Variants in DNM3 observed in about 807,000 individuals in gnomAD.
The protein encoded by DNM3 is dynamin 3.
DNM3 carries 47 observed loss-of-function variants against 101.6 expected under a neutral mutation model. That is an observed-to-expected ratio of 0.46 (90% confidence interval 0.37 to 0.59). The LOEUF is 0.59. Ranked by LOEUF, DNM3 falls within the 20% of genes least tolerant of loss-of-function variation. The pLI is 0.00. For synonymous variants in DNM3, 385 were observed against 387.9 expected, an observed-to-expected ratio of 0.99 and a Z score of 0.09; for missense variants, 849 against 1,085.7, an observed-to-expected ratio of 0.78 and a Z score of 3.06.
intron 14 of DNM3, among the ~76,000 whole-genome samples, chr1:172,244,412 C>G (rs1369332407): frequency 6.6e-6 from 1 of 151,996 alleles, no homozygotes; most frequent in Non-Finnish European, 1.5e-5. Context: ...TCAGAGTGAA[C>G]AGGCAACCTA....
At chr1:172,303,374 G>A (rs2064573916) in intron 15 of DNM3, among the ~76,000 whole-genome samples, 1 of 152,156 alleles carries the variant, frequency 6.6e-6, no homozygotes, top group East Asian at 1.9e-4. Context: ...AAGAAATATA[G>A]GACTGTGTGA....
rs962905686 is a variant in DNM3, at chr1:172,409,948, A to AT, written c.*2114dup. ...CAAACCATGTCAAAAAAAATTGGAGATTTTTTTCCAATTTTCCTTCCACTG... is the reference window on the plus strand; with the variant it reads ...CAAACCATGTCAAAAAAAATTGGAGATTTTTTTTCCAATTTTCCTTCCACTG... On this transcript the variant is annotated 3_prime_UTR_variant, in exon 21 of 21. Coordinates refer to ENST00000627582, the MANE Select transcript of DNM3 (RefSeq NM_015569.5). The AT allele has an allele frequency of 5.0e-5, 49 of 985,560 alleles. No individual in the cohort carries two copies. In the African/African-American group the frequency reaches 7.7e-4, roughly 15 times the overall value. 61.1% of individuals were successfully genotyped at this position (985,560 alleles called of 1,614,324 possible).
At chr1:172,237,838 C>G (rs536624268) in intron 14 of DNM3, among the ~76,000 whole-genome samples, 1 of 152,172 alleles carries the variant, frequency 6.6e-6, no homozygotes. Context: ...AGATTATATT[C>G]TTTTAGGAAA....
intron 14 of DNM3, among the ~76,000 whole-genome samples, chr1:172,205,496 T>G (rs889312935): frequency 2.6e-5 from 4 of 152,160 alleles, no homozygotes; most frequent in Non-Finnish European, 4.4e-5. Context: ...TTAAGAAACA[T>G]GTATTAATAT....
intron 13 of DNM3, among the ~76,000 whole-genome samples, chr1:172,111,423 C>A (rs1027659095): frequency 6.6e-6 from 1 of 152,178 alleles, no homozygotes; most frequent in Non-Finnish European, 1.5e-5. Flanking sequence ...TAATATCAGC[C>A]CTTCACTGAT....
chr1:171,918,506 G>T (rs556259988), intron 1 of DNM3, among the ~76,000 whole-genome samples: 1 of 152,284 alleles, frequency 6.6e-6, no homozygotes, highest in Admixed American at 6.5e-5. Context: ...TTCAGATTAG[G>T]TGCTCATTCT....
At chr1:172,379,349 C>T (rs1340056876) in intron 18 of DNM3, among the ~76,000 whole-genome samples, 167 bp downstream of exon 18, 1 of 151,968 alleles carries the variant, frequency 6.6e-6, no homozygotes, top group African/African-American at 2.4e-5. Context: ...TGAAAGAGAA[C>T]TTAGGGAAGA....
At position 172,418,151 on chromosome 1, in the gene DNM3, A is replaced by G. The variant is rs1219005431; in HGVS notation, c.2541-130A>G. 7 of 658,456 alleles carry G rather than the reference A, an allele frequency of 1.1e-5. No individual in the cohort carries two copies. The East Asian group carries it at 2.7e-4, about 25-fold the overall frequency. The allele number at this position is 658,456 out of a possible 1,614,324, so 40.8% of individuals were successfully genotyped here. Reference sequence around the variant, plus strand: ...CTGCATGTTTTTGTGTGTGATTTGAATTTGACTTTTGTGAGCTATTTTTGC... The same window carrying G: ...CTGCATGTTTTTGTGTGTGATTTGAGTTTGACTTTTGTGAGCTATTTTTGC... On this transcript the variant is annotated intron_variant, in intron 20 of 20. Coordinates refer to the DNM3 transcript ENST00000485254.
chr1:171,921,482 T>C (rs1019901939), intron 1 of DNM3, among the ~76,000 whole-genome samples: 5 of 152,228 alleles, frequency 3.3e-5, no homozygotes, highest in African/African-American at 1.2e-4. Context: ...GGCAAACTTT[T>C]ATCAGTTTCA....
chr1:172,115,586 C>G (rs1439106141), intron 13 of DNM3, among the ~76,000 whole-genome samples: 1 of 152,200 alleles, frequency 6.6e-6, no homozygotes, highest in Non-Finnish European at 1.5e-5. Flanking sequence ...GGCTCCTCCC[C>G]CTCTCGCTCA....
intron 14 of DNM3, chr1:172,131,783 GT>G: frequency 2.5e-6 from 1 of 392,978 alleles, no homozygotes; most frequent in Non-Finnish European, 5.0e-6. Flanking sequence ...TCAGATCATT[GT>G]TTATACAAAT....
At chr1:172,277,418 A>G (rs1018176493) in intron 15 of DNM3, among the ~76,000 whole-genome samples, 2 of 152,070 alleles carry the variant, frequency 1.3e-5, no homozygotes, top group Non-Finnish European at 2.9e-5. Flanking sequence ...ATGTAAATTT[A>G]GAGGAAAATG....
At chr1:172,237,101 A>G (rs748133346) in intron 14 of DNM3, among the ~76,000 whole-genome samples, 17 of 152,170 alleles carry the variant, frequency 1.1e-4, no homozygotes, top group Non-Finnish European at 2.1e-4. Context: ...CAGCGAAATT[A>G]AACATAGGTT....
At chr1:172,325,861 G>A (rs937222343) in intron 17 of DNM3, among the ~76,000 whole-genome samples, 3 of 152,186 alleles carry the variant, frequency 2.0e-5, no homozygotes, top group African/African-American at 7.2e-5. Flanking sequence ...AGACTCTAGA[G>A]CAAATGAAGT....
chr1:172,323,333 A>G lies in DNM3; in HGVS notation c.1886A>G (p.Asn629Ser), dbSNP rs777117172. 28 of 1,606,208 alleles carry G rather than the reference A, an allele frequency of 1.7e-5. No homozygotes were observed. In the East Asian group the frequency reaches 2.7e-4, roughly 15 times the overall value. ...AGVYPDKSVG[N>S]NKAENDENGQ... ...TCCTTGCGGCTACATGCATAGGGGAACAACAAAGTAAGTTATTTGTCCTCT... is the reference window on the plus strand; with the variant it reads ...TCCTTGCGGCTACATGCATAGGGGAGCAACAAAGTAAGTTATTTGTCCTCT... Residue 629 changes from asparagine (N) to serine (S), a missense_variant, in exon 17 of 21, where the codon AAC (asparagine) becomes AGC (serine). Coordinates refer to ENST00000627582, the MANE Select transcript of DNM3 (RefSeq NM_015569.5).
At chr1:171,965,379 CAA>C (rs113148882) in intron 2 of DNM3, among the ~76,000 whole-genome samples, 12 of 111,024 alleles carry the variant, frequency 1.1e-4, no homozygotes, top group Admixed American at 3.8e-4. Context: ...CCTGTGTCTA[CAA>C]AAAAAAAAAA....
chr1:172,237,175 A>C (rs1338871053), intron 14 of DNM3, among the ~76,000 whole-genome samples: 1 of 152,292 alleles, frequency 6.6e-6, no homozygotes, highest in South Asian at 2.1e-4. Context: ...GTTCCTTATT[A>C]AAATAGTACT....
intron 2 of DNM3, among the ~76,000 whole-genome samples, chr1:171,947,041 G>A (rs975446005): frequency 6.6e-6 from 1 of 152,164 alleles, no homozygotes; most frequent in Non-Finnish European, 1.5e-5. Flanking sequence ...CCAAACAAAC[G>A]ATATGCAAAC....
At position 172,038,407 on chromosome 1, in the gene DNM3, C is replaced by A. The variant is rs764755733; in HGVS notation, c.938C>A (p.Ala313Asp). ...CTCTCCATAGAACATGAAGTAGAAG[C>A]CTACAAAAATTTCAAACCAGAAGAC... Reference protein sequence around the residue: ...QLLSIEHEVEAYKNFKPEDPT... With the variant: ...QLLSIEHEVEDYKNFKPEDPT... The change falls in exon 7 of 21, where the codon GCC becomes GAC. Residue 313 changes from alanine (A) to aspartate (D), a missense_variant. Physicochemically the swap from Ala to Asp is moderately radical, Grantham distance 126 (BLOSUM62 -2). Transcript: ENST00000627582. The A allele has an allele frequency of 5.0e-6, 8 of 1,613,230 alleles. No individual in the cohort carries two copies. In the African/African-American group the frequency reaches 1.1e-4, roughly 22 times the overall value.
Sources: gnomAD v4.1 joint callset for allele counts (sites outside exome capture counted in the v4.1 genomes callset) on GRCh38, gnomAD v4.1.1 for gene constraint, MANE v1.5 for transcripts, NCBI Gene and HGNC (gene_info 2026-07-23, HGNC 2026-07-21) for gene names.